The following ZBTB20 variants were observed in gnomAD, a reference collection of about 807,000 sequenced individuals.
ZBTB20 encodes zinc finger and BTB domain containing 20.
In ZBTB20, 9 loss-of-function variants were observed where a neutral mutation model predicts 56.9. That is an observed-to-expected ratio of 0.16 (90% CI 0.10 to 0.28). ZBTB20 has a LOEUF of 0.28. Ranked by LOEUF, ZBTB20 falls within the 10% of genes least tolerant of loss-of-function variation. ZBTB20 has a pLI of 1.00. For synonymous variants in ZBTB20, 417 were observed against 420.7 expected, an observed-to-expected ratio of 0.99 and a Z score of 0.11; for missense variants, 655 against 1,003.0, an observed-to-expected ratio of 0.65 and a Z score of 4.69.
At chr3:114,354,396 C>T (rs779372077) in intron 10 of ZBTB20, among the ~76,000 whole-genome samples, 2 of 152,146 alleles carry the variant, frequency 1.3e-5, no homozygotes, top group Admixed American at 6.5e-5. Flanking sequence ...AACAATAACA[C>T]TAGAGATGTC....
intron 10 of ZBTB20, among the ~76,000 whole-genome samples, chr3:114,359,841 A>C (rs990771309): frequency 9.8e-5 from 15 of 152,324 alleles, no homozygotes; most frequent in African/African-American, 3.6e-4. Flanking sequence ...CAAATTTAAA[A>C]ATTGAGTATA....
intron 6 of ZBTB20, among the ~76,000 whole-genome samples, chr3:114,511,215 A>G (rs1183887274): frequency 6.6e-6 from 1 of 152,170 alleles, no homozygotes; most frequent in Non-Finnish European, 1.5e-5. Flanking sequence ...GGCTCTGCTA[A>G]GAATCTCATT....
intron 5 of ZBTB20, among the ~76,000 whole-genome samples, chr3:114,787,149 T>A (rs1290241149): frequency 6.6e-6 from 1 of 150,958 alleles, no homozygotes; most frequent in Non-Finnish European, 1.5e-5. Flanking sequence ...CAATTAAAAA[T>A]TTTTTTTCCT....
intron 5 of ZBTB20, among the ~76,000 whole-genome samples, chr3:114,778,972 C>T (rs2069849836): frequency 6.6e-6 from 1 of 152,104 alleles, no homozygotes; most frequent in African/African-American, 2.4e-5. Context: ...TAAAGAAATT[C>T]TAATAGTTAT....
chr3:115,048,492 C>T (rs2081420304), intron 2 of ZBTB20, among the ~76,000 whole-genome samples: 1 of 152,056 alleles, frequency 6.6e-6, no homozygotes, highest in Admixed American at 6.5e-5. Context: ...ACTGATAAAT[C>T]ATAATGATAA....
chr3:114,425,737 C>G (rs563157753), intron 7 of ZBTB20, among the ~76,000 whole-genome samples: 39 of 152,242 alleles, frequency 2.6e-4, no homozygotes, highest in South Asian at 1.7e-3. Flanking sequence ...AGTTAGTTAA[C>G]TTAGATAACA....
intron 7 of ZBTB20, among the ~76,000 whole-genome samples, chr3:114,394,995 G>C (rs900638501): frequency 1.3e-5 from 2 of 151,976 alleles, no homozygotes; most frequent in African/African-American, 4.8e-5. Context: ...TAATTATCTG[G>C]TAATAATTCA....
chr3:114,352,080 C>A, intron 10 of ZBTB20: 1 of 665,932 alleles, frequency 1.5e-6, no homozygotes, highest in Non-Finnish European at 2.4e-6. Flanking sequence ...AATTTTGCTC[C>A]AATTCCGGCC....
rs368109411 is a variant in ZBTB20 at position 114,910,591 on chromosome 3, GCTA to G, written c.-455-10252_-455-10250del. Among the ~76,000 whole-genome samples, 19 of 152,032 alleles carry G rather than the reference GCTA, an allele frequency of 1.2e-4. No homozygotes were observed. In the East Asian group the frequency reaches 3.7e-3, roughly 29 times the overall value. Reference sequence around the variant, plus strand: ...AGTAACAATAGCTATTATTTATTTAGCTACTACTAAGTGTTTGATAAGAGTTTT... The same window carrying G: ...AGTAACAATAGCTATTATTTATTTAGCTACTAAGTGTTTGATAAGAGTTTT... On this transcript the variant is annotated intron_variant, in intron 3 of 11. Coordinates refer to ENST00000675478, the MANE Select transcript of ZBTB20 (RefSeq NM_001348800.3).
intron 2 of ZBTB20, among the ~76,000 whole-genome samples, chr3:115,016,488 T>C (rs2079964080): frequency 1.3e-5 from 2 of 152,092 alleles, no homozygotes; most frequent in Admixed American, 1.3e-4. Flanking sequence ...TTAATTTTTG[T>C]ATAAGGTGTA....
At chr3:115,024,438 G>A (rs1054737178) in intron 2 of ZBTB20, among the ~76,000 whole-genome samples, 21 of 150,908 alleles carry the variant, frequency 1.4e-4, no homozygotes, top group African/African-American at 3.9e-4. Flanking sequence ...AGACCTCTAC[G>A]TTATTCCTTG....
chr3:114,702,264 A>T (rs2063439799), intron 5 of ZBTB20, among the ~76,000 whole-genome samples: 2 of 152,134 alleles, frequency 1.3e-5, no homozygotes, highest in African/African-American at 2.4e-5. Flanking sequence ...CTGAGGATTG[A>T]TTGAGCCCAG....
chr3:114,975,407 C>A (rs1506028), intron 2 of ZBTB20, among the ~76,000 whole-genome samples: 35,492 of 151,984 alleles, frequency 0.23, 4,789 homozygotes, highest in East Asian at 0.64. Context: ...ATTATATAAT[C>A]TAGTACATCT....
intron 3 of ZBTB20, among the ~76,000 whole-genome samples, chr3:114,962,340 G>A (rs1412659542): frequency 2.6e-5 from 4 of 152,066 alleles, no homozygotes; most frequent in African/African-American, 9.7e-5. Flanking sequence ...CCCCACCCTG[G>A]TGAAGTAATA....
chr3:114,321,898 G>C lies in ZBTB20; in HGVS notation c.*17107C>G, dbSNP rs1049608353. On this transcript the variant is annotated 3_prime_UTR_variant, in exon 12 of 12. Coordinates refer to ENST00000675478, the MANE Select transcript of ZBTB20 (RefSeq NM_001348800.3). ...TCAGAAGACTGGAGGCAATGGTACA[G>C]AAAAGCGTAACTGAATAAATTATTA... 2 of 152,250 alleles carry C rather than the reference G, an allele frequency of 1.3e-5. No individual in the cohort carries two copies. Among genetic ancestry groups the C allele is most frequent in the African/African-American group, 4.8e-5 (2 of 41,454 alleles). 9.4% of individuals were successfully genotyped at this position (152,250 alleles called of 1,614,324 possible). A position where few individuals can be genotyped will look rare whatever the true frequency, so the allele number is the denominator to read the frequency against.
Position 114,315,603 on chromosome 3 carries a change from G to GTGTGTGTGTGTA in ZBTB20, c.*23401_*23402insTACACACACACA, listed in dbSNP as rs1044657042. ...TGTGTGTGTGTGTGTGTGTGTGTGT[G>GTGTGTGTGTGTA]TGTACACAGTAGCAATTGCAAAAAA... On this transcript the variant is annotated 3_prime_UTR_variant, in exon 12 of 12. Coordinates refer to ENST00000675478, the MANE Select transcript of ZBTB20 (RefSeq NM_001348800.3). The GTGTGTGTGTGTA allele has an allele frequency of 1.3e-5, 2 of 152,156 alleles. No homozygotes were observed. Among genetic ancestry groups the GTGTGTGTGTGTA allele is most frequent in the African/African-American group, 4.9e-5 (2 of 40,714 alleles). 9.4% of individuals were successfully genotyped at this position (152,156 alleles called of 1,614,324 possible).
intron 6 of ZBTB20, among the ~76,000 whole-genome samples, chr3:114,549,804 C>A (rs2050334912): frequency 6.9e-6 from 1 of 145,928 alleles, no homozygotes; most frequent in African/African-American, 2.5e-5. Context: ...GTGACTCTAT[C>A]AGTTAAGAGG....
chr3:114,557,015 G>A (rs1370752637), intron 6 of ZBTB20, among the ~76,000 whole-genome samples: 1 of 152,008 alleles, frequency 6.6e-6, no homozygotes, highest in Admixed American at 6.6e-5. Context: ...TCTTTGAGCT[G>A]AGAGGTATTA....
chr3:114,657,735 G>A (rs1004881997), intron 6 of ZBTB20, among the ~76,000 whole-genome samples: 2 of 152,094 alleles, frequency 1.3e-5, no homozygotes, highest in East Asian at 1.9e-4. Context: ...AATTTTACCC[G>A]GGACAGTTCA....
Sources: allele counts gnomAD v4.1 joint callset (sites outside exome capture counted in the v4.1 genomes callset), GRCh38; gene constraint gnomAD v4.1.1; transcripts MANE v1.5; gene names NCBI Gene and HGNC (gene_info 2026-07-23, HGNC 2026-07-21).